CCDC73: variants seen among roughly 807,000 people sequenced by gnomAD.
CCDC73 encodes the protein coiled-coil domain containing 73.
Under a neutral mutation model 116.5 loss-of-function variants are expected in CCDC73, and 95 were observed. The observed-to-expected ratio is 0.82, with a 90% CI of 0.69 to 0.97. The LOEUF (loss-of-function observed/expected upper bound fraction) is 0.97, where lower values mean the gene tolerates loss of function less well. CCDC73 is among the 50% of genes least tolerant of loss of function. The pLI is 0.00. For missense variants in CCDC73, 1,066 were observed against 1,206.8 expected, an observed-to-expected ratio of 0.88 and a Z score of 1.73; for synonymous variants, 398 against 401.3, an observed-to-expected ratio of 0.99 and a Z score of 0.10.
chr11:32,691,871 AC>A (rs1460071147), intron 6 of CCDC73, among the ~76,000 whole-genome samples: 1 of 151,922 alleles, frequency 6.6e-6, no homozygotes, highest in African/African-American at 2.4e-5. Flanking sequence ...ACATGGTGAA[AC>A]CCTGTCTCTA....
chr11:32,683,726 T>C (rs1325189035), intron 6 of CCDC73, 152 bp from the exon 7 acceptor site: 2 of 556,742 alleles, frequency 3.6e-6, no homozygotes, highest in African/African-American at 1.9e-5. Flanking sequence ...ACCTACTATA[T>C]GCTAGATACT....
intron 6 of CCDC73, among the ~76,000 whole-genome samples, chr11:32,694,379 CAGG>C (rs1856289917): frequency 6.6e-6 from 1 of 152,104 alleles, no homozygotes; most frequent in East Asian, 1.9e-4. Context: ...GGACCTCTTC[CAGG>C]AGAACTACAA....
intron 9 of CCDC73, among the ~76,000 whole-genome samples, chr11:32,656,269 C>T (rs1277527827): frequency 1.3e-5 from 2 of 151,536 alleles, no homozygotes; most frequent in Non-Finnish European, 2.9e-5. Context: ...TTAGTAGAGA[C>T]GGGGTTTCAC....
chr11:32,635,145 C>T (rs987832615), intron 14 of CCDC73, among the ~76,000 whole-genome samples: 1 of 150,048 alleles, frequency 6.7e-6, no homozygotes, highest in African/African-American at 2.5e-5. Flanking sequence ...GAAGCTATAC[C>T]ATGTTCATCG....
chr11:32,633,188 A>G (rs576522446), intron 14 of CCDC73, among the ~76,000 whole-genome samples: 10 of 152,284 alleles, frequency 6.6e-5, no homozygotes, highest in African/African-American at 1.9e-4. Flanking sequence ...CGAGTAAGCC[A>G]CTGCACCTGG....
At chr11:32,706,012 G>GAAAAAA (rs3078271) in intron 3 of CCDC73, among the ~76,000 whole-genome samples, 1 of 135,460 alleles carries the variant, frequency 7.4e-6, no homozygotes, top group Non-Finnish European at 1.6e-5. Flanking sequence ...TATATCAGCT[G>GAAAAAA]AAAAAAAAAA....
intron 2 of CCDC73, among the ~76,000 whole-genome samples, chr11:32,753,073 A>G (rs184042462): frequency 4.6e-5 from 7 of 152,132 alleles, no homozygotes; most frequent in African/African-American, 1.4e-4. Context: ...CAGCCTCCCA[A>G]AGCACTGGAA....
At chr11:32,624,787 A>G (rs939670724) in intron 14 of CCDC73, among the ~76,000 whole-genome samples, 2 of 152,238 alleles carry the variant, frequency 1.3e-5, no homozygotes, top group African/African-American at 4.8e-5. Flanking sequence ...ATGTCCATCA[A>G]TGACAGATGA....
intron 2 of CCDC73, among the ~76,000 whole-genome samples, chr11:32,756,662 C>G (rs1850346661): frequency 6.6e-6 from 1 of 151,646 alleles, no homozygotes; most frequent in East Asian, 1.9e-4. Flanking sequence ...TGGTCAGTAT[C>G]TTTATATCTT....
chr11:32,808,970 G>A, the CCDC73 span, among the ~76,000 whole-genome samples: 1 of 151,922 alleles, frequency 6.6e-6, no homozygotes, highest in Non-Finnish European at 1.5e-5. Context: ...CCTGTATCTT[G>A]CTTTTTCTTG....
chr11:32,805,677 A>T, the CCDC73 span, among the ~76,000 whole-genome samples: 1 of 152,232 alleles, frequency 6.6e-6, no homozygotes, highest in Non-Finnish European at 1.5e-5. Flanking sequence ...GGCTTGAAAC[A>T]TCCATATGAA....
At position 32,614,570 on chromosome 11, in the gene CCDC73, G is replaced by A; in HGVS notation, c.1748C>T (p.Thr583Ile). Residue 583 changes from threonine (T) to isoleucine (I), a missense_variant, in exon 16 of 18, where the codon ACA becomes ATA. Coordinates refer to ENST00000335185, the MANE Select transcript of CCDC73 (RefSeq NM_001008391.4). The stretch of plus-strand genomic sequence containing the variant: ...ATTATTGTGATATGTATTGTGTGCT[G>A]TCTCATTTAAAATACTGTTAAATGA... ...KTSFNSILNE[T>I]AHNTYHNNNK... is the part of the protein sequence containing the mutation. The A allele has an allele frequency of 6.2e-7, 1 of 1,611,506 alleles. No homozygotes were observed. The highest frequency in any genetic ancestry group is 8.5e-7 in the Non-Finnish European group (1 of 1,178,150).
Position 32,613,793 on chromosome 11 carries a change from TTA to T in CCDC73, c.2523_2524del (p.Asn841LysfsTer10). 6.2e-7 allele frequency: 1 copy of T among 1,613,864 alleles called. No homozygotes were observed. The highest frequency in any genetic ancestry group is 1.3e-5 in the African/African-American group (1 of 75,068). ...ATTTAATGATTCTGTTTTCTCTGTA[TTA>T]TTTAACAATGTATGCTGTCTTTCAT... On this transcript the variant is annotated frameshift_variant, in exon 16 of 18. Coordinates refer to ENST00000335185, the MANE Select transcript of CCDC73 (RefSeq NM_001008391.4). LOFTEE classifies it high-confidence loss of function.
At chr11:32,675,368 GAAAT>G (rs1856076769) in intron 9 of CCDC73, among the ~76,000 whole-genome samples, 193 bp downstream of exon 9, 2 of 152,102 alleles carry the variant, frequency 1.3e-5, no homozygotes, top group Admixed American at 1.3e-4. Flanking sequence ...ACAAGTCAAA[GAAAT>G]AATATTTTGA....
the CCDC73 span, among the ~76,000 whole-genome samples, chr11:32,828,425 G>C: frequency 6.6e-6 from 1 of 151,220 alleles, no homozygotes; most frequent in Non-Finnish European, 1.5e-5. Flanking sequence ...CAGGAGAATC[G>C]CTTGAACCCA....
chr11:32,708,137 C>A (rs1211782987), intron 3 of CCDC73, among the ~76,000 whole-genome samples: 2 of 152,090 alleles, frequency 1.3e-5, no homozygotes, highest in African/African-American at 4.8e-5. Flanking sequence ...GCCAATTATC[C>A]CAGCACCACT....
At chr11:32,622,248 C>A (rs78985471) in intron 14 of CCDC73, among the ~76,000 whole-genome samples, 65,883 of 151,870 alleles carry the variant, frequency 0.43, 14,710 homozygotes, top group African/African-American at 0.49. Context: ...AGCAAAGACA[C>A]GGAACCAGTC....
Position 32,618,739 on chromosome 11 carries a change from A to C in CCDC73, c.1186-2610T>G, listed in dbSNP as rs138364319. On this transcript the variant is annotated intron_variant, in intron 14 of 17. Transcript: ENST00000335185. Reference sequence around the variant, plus strand: ...AGATAATTTTTTACTTTTAGTAGAGATGGGGTTTTGCTATGTTGGCCAGCC... The same window carrying C: ...AGATAATTTTTTACTTTTAGTAGAGCTGGGGTTTTGCTATGTTGGCCAGCC... 3.6e-4 allele frequency among the ~76,000 whole-genome samples: 55 copies of C among 152,010 alleles called. 1 individual carries two copies. In the East Asian group the frequency reaches 0.011, roughly 29 times the overall value.
chr11:32,773,590 G>A (rs1404221137), intron 1 of CCDC73, among the ~76,000 whole-genome samples: 1 of 151,848 alleles, frequency 6.6e-6, no homozygotes, highest in African/African-American at 2.4e-5. Context: ...GACAAGCCTG[G>A]GAAATACAGT....
Sources: gnomAD v4.1 joint callset for allele counts (sites outside exome capture counted in the v4.1 genomes callset) on GRCh38, gnomAD v4.1.1 for gene constraint, MANE v1.5 for transcripts, NCBI Gene and HGNC (gene_info 2026-07-23, HGNC 2026-07-21) for gene names.